Variants in PPARGC1A observed in about 807,000 individuals in gnomAD.
PPARGC1A encodes the protein PPARG coactivator 1 alpha, also known as peroxisome proliferator-activated receptor gamma coactivator 1-alpha.
A neutral mutation model predicts 88.7 loss-of-function variants in PPARGC1A; 25 were observed. That is an observed-to-expected ratio of 0.28 (90% CI 0.21 to 0.39). The LOEUF (loss-of-function observed/expected upper bound fraction) is 0.39, where lower values mean the gene tolerates loss of function less well. PPARGC1A is among the 10% of genes least tolerant of loss of function. The pLI, the probability that PPARGC1A is intolerant of heterozygous loss-of-function variation, is 1.00. For missense variants in PPARGC1A, 880 were observed against 968.7 expected (o/e 0.91, Z 1.22); for synonymous variants, 363 against 355.6 (o/e 1.02, Z -0.24).
chr4:24,092,632 T>A, the PPARGC1A span, among the ~76,000 whole-genome samples: 1 of 152,182 alleles, frequency 6.6e-6, no homozygotes, highest in Middle Eastern at 3.2e-3. Context: ...GTAATTTTTG[T>A]CCCAAAATGA....
the PPARGC1A span, among the ~76,000 whole-genome samples, chr4:24,214,813 G>T: frequency 6.6e-6 from 1 of 152,176 alleles, no homozygotes; most frequent in Non-Finnish European, 1.5e-5. Flanking sequence ...AGAAGGTACA[G>T]ATATGTAAGT....
the PPARGC1A span, among the ~76,000 whole-genome samples, chr4:24,202,533 C>G: frequency 1.3e-5 from 2 of 152,148 alleles, no homozygotes; most frequent in African/African-American, 4.8e-5. Context: ...GACAAAGTGA[C>G]ATCTTCTACA....
chr4:23,812,991 G>T (rs772243918), intron 9 of PPARGC1A, 30 bp downstream of exon 9: 1 of 1,611,950 alleles, frequency 6.2e-7, no homozygotes, highest in Non-Finnish European at 8.5e-7. Context: ...GGGATAAAGG[G>T]AGCTAAAGGA....
the PPARGC1A span, among the ~76,000 whole-genome samples, chr4:24,182,568 G>A: frequency 6.6e-6 from 1 of 152,088 alleles, no homozygotes; most frequent in South Asian, 2.1e-4. Flanking sequence ...TTGAGGAACT[G>A]CCACACTGTC....
the PPARGC1A span, among the ~76,000 whole-genome samples, chr4:24,423,292 C>G: frequency 6.6e-6 from 1 of 152,112 alleles, no homozygotes; most frequent in African/African-American, 2.4e-5. Flanking sequence ...AAATTAAGAC[C>G]CATGTTTGAC....
Position 23,832,649 on chromosome 4 carries a change from G to A in PPARGC1A, c.235-898C>T, listed in dbSNP as rs575600254. On this transcript the variant is annotated intron_variant, in intron 2 of 12. Transcript: ENST00000264867. Reference sequence around the variant, plus strand: ...TTTTGAGACAGGGTCTTGCTCTATCGCCCAGACTGGAGTGCAGTGGCGCGA... The same window carrying A: ...TTTTGAGACAGGGTCTTGCTCTATCACCCAGACTGGAGTGCAGTGGCGCGA... 2.6e-3 allele frequency among the ~76,000 whole-genome samples: 359 copies of A among 139,264 alleles called. 2 individuals carry two copies. Among genetic ancestry groups the A allele is most frequent in the African/African-American group, 9.0e-3 (333 of 37,034 alleles). 91.4% of individuals were successfully genotyped at this position (139,264 alleles called of 152,430 possible).
At chr4:24,138,047 G>A in the PPARGC1A span, among the ~76,000 whole-genome samples, 1 of 152,154 alleles carries the variant, frequency 6.6e-6, no homozygotes, top group Admixed American at 6.5e-5. Flanking sequence ...GACACCAGAA[G>A]GCCAGGTCAC....
chr4:23,837,454 C>T (rs1409094278), intron 2 of PPARGC1A, among the ~76,000 whole-genome samples: 1 of 150,756 alleles, frequency 6.6e-6, no homozygotes, highest in Non-Finnish European at 1.5e-5. Flanking sequence ...TAAACATTTC[C>T]AGTGTATATT....
the PPARGC1A span, among the ~76,000 whole-genome samples, chr4:24,268,239 G>C: frequency 6.6e-6 from 1 of 152,140 alleles, no homozygotes; most frequent in Non-Finnish European, 1.5e-5. Context: ...AGCTGAAAGG[G>C]TGGGTTAATT....
At chr4:23,975,719 A>G in the PPARGC1A span, among the ~76,000 whole-genome samples, 3 of 152,190 alleles carry the variant, frequency 2.0e-5, no homozygotes, top group African/African-American at 7.2e-5. Context: ...TGCTCAGCCA[A>G]ACTAGGCTAT....
At chr4:24,032,725 ATTG>A in the PPARGC1A span, among the ~76,000 whole-genome samples, 1 of 152,124 alleles carries the variant, frequency 6.6e-6, no homozygotes, top group Non-Finnish European at 1.5e-5. Context: ...AAAATTTGTC[ATTG>A]TTGGTTGATT....
At chr4:24,101,792 T>C in the PPARGC1A span, among the ~76,000 whole-genome samples, 1 of 152,232 alleles carries the variant, frequency 6.6e-6, no homozygotes, top group Admixed American at 6.5e-5. Flanking sequence ...CATCATTTTG[T>C]TTTTGTCCCA....
rs559569343 is a variant in PPARGC1A, at chr4:23,818,975, GA to G, written c.878-4371del. Among the ~76,000 whole-genome samples the G allele has an allele frequency of 2.2e-3, 315 of 140,918 alleles. 2 individuals are homozygous for G. Among genetic ancestry groups the G allele is most frequent in the Non-Finnish European group, 3.7e-3 (242 of 65,770 alleles). 92.4% of individuals were successfully genotyped at this position (140,918 alleles called of 152,430 possible). ...GTTGCATGCCAATTCAGGTATTTAA[GA>G]AAAAAAAAATTAGGAGATGAGTTTC... On this transcript the variant is annotated intron_variant, in intron 7 of 12. Coordinates refer to ENST00000264867, the MANE Select transcript of PPARGC1A (RefSeq NM_013261.5).
chr4:23,810,697 TG>T (rs1376242990), intron 10 of PPARGC1A, among the ~76,000 whole-genome samples: 8 of 152,222 alleles, frequency 5.3e-5, no homozygotes, highest in African/African-American at 1.7e-4. Context: ...AAATTTATGA[TG>T]AAACTATTAA....
the PPARGC1A span, among the ~76,000 whole-genome samples, chr4:24,431,315 T>G: frequency 2.0e-5 from 3 of 151,962 alleles, no homozygotes; most frequent in Non-Finnish European, 4.4e-5. Context: ...ACACAGAGAA[T>G]AGAACATGTT....
chr4:24,121,452 G>A, the PPARGC1A span, among the ~76,000 whole-genome samples: 1 of 152,092 alleles, frequency 6.6e-6, no homozygotes, highest in Admixed American at 6.5e-5. Flanking sequence ...GCTAGGGGGA[G>A]AGTAGCGACC....
chr4:23,813,448 T>A (rs1360284569), intron 8 of PPARGC1A, among the ~76,000 whole-genome samples: 2 of 152,124 alleles, frequency 1.3e-5, no homozygotes, highest in Non-Finnish European at 2.9e-5. Flanking sequence ...ATGAGCAAGT[T>A]TCTTAACAAA....
At chr4:24,303,732 GT>G in the PPARGC1A span, among the ~76,000 whole-genome samples, 4 of 152,108 alleles carry the variant, frequency 2.6e-5, no homozygotes, top group Admixed American at 1.3e-4. Context: ...CCATATGAAT[GT>G]TTTGGAGTAG....
chr4:23,799,349 C>T (rs559115099), intron 12 of PPARGC1A, among the ~76,000 whole-genome samples: 1 of 152,260 alleles, frequency 6.6e-6, no homozygotes, highest in African/African-American at 2.4e-5. Context: ...TTATTGAGCA[C>T]CTATGTTATG....
Sources: gnomAD v4.1 joint callset for allele counts (sites outside exome capture counted in the v4.1 genomes callset) on GRCh38, gnomAD v4.1.1 for gene constraint, MANE v1.5 for transcripts, NCBI Gene and HGNC (gene_info 2026-07-23, HGNC 2026-07-21) for gene names.